Variants in NID1 observed in about 807,000 individuals in gnomAD.
NID1 encodes the protein nidogen-1.
A neutral mutation model predicts 130.6 loss-of-function variants in NID1; 76 were observed. The ratio of observed to expected loss-of-function variants is 0.58; its 90% CI spans 0.48 to 0.70. The LOEUF is 0.70. Among genes scored for constraint, NID1 ranks in the 30% least tolerant of loss-of-function variants. NID1 has a pLI of 0.00. For synonymous variants in NID1, 665 were observed against 675.1 expected, an observed-to-expected ratio of 0.98 and a Z score of 0.23; for missense variants, 1,517 against 1,664.8, an observed-to-expected ratio of 0.91 and a Z score of 1.54.
chr1:236,049,169 G>C (rs1410143662), intron 1 of NID1, among the ~76,000 whole-genome samples, 180 bp from the exon 2 acceptor site: 1 of 152,176 alleles, frequency 6.6e-6, no homozygotes, highest in African/African-American at 2.4e-5. Context: ...AAAATGGGCT[G>C]TGTGGAAAGA....
In NID1 at chr1:235,979,702, G is replaced by T; in HGVS notation, c.3509+120C>A. On this transcript the variant is annotated intron_variant, in intron 18 of 19. Transcript: ENST00000264187. The surrounding 1 kb of genome is among the most constrained non-coding windows in gnomAD (Gnocchi z 4.6). The stretch of plus-strand genomic sequence containing the variant: ...ATAAGGGAGAGGGGACATCTCTAGA[G>T]GGGGCATTTCTGGAGGCTCAAAAGT... The T allele has an allele frequency of 9.3e-7, 1 of 1,075,766 alleles. No individual in the cohort carries two copies. Among genetic ancestry groups the T allele is most frequent in the Non-Finnish European group, 1.4e-6 (1 of 724,984 alleles). The allele number at this position is 1,075,766 out of a possible 1,614,324, so 66.6% of individuals were successfully genotyped here.
chr1:236,045,206 CAAAAAAAAAAA>C (rs201261106), intron 3 of NID1, among the ~76,000 whole-genome samples: 2 of 89,722 alleles, frequency 2.2e-5, no homozygotes, highest in Non-Finnish European at 2.4e-5. Flanking sequence ...GGCTCTGTCT[CAAAAAAAAAAA>C]AAAAAAAAAA....
chr1:236,024,465 G>C (rs896178251), intron 8 of NID1, among the ~76,000 whole-genome samples: 1 of 152,240 alleles, frequency 6.6e-6, no homozygotes, highest in East Asian at 1.9e-4. Context: ...GGCTGCATTT[G>C]TGCTACCACG....
At chr1:235,981,835 G>C (rs1293326314) in intron 15 of NID1, 53 bp from the exon 16 acceptor site, 1 of 1,518,952 alleles carries the variant, frequency 6.6e-7, no homozygotes, top group Non-Finnish European at 8.9e-7. Context: ...AAGCAGCTGA[G>C]ATGAGGTTTT....
At position 236,036,998 on chromosome 1, in the gene NID1, C is replaced by T. The variant is rs58259235; in HGVS notation, c.1285+1106G>A. Among the ~76,000 whole-genome samples the T allele has an allele frequency of 9.9e-3, 1,508 of 152,264 alleles. 26 individuals are homozygous for T. Among genetic ancestry groups the T allele is most frequent in the African/African-American group, 0.035 (1,434 of 41,536 alleles). ...GAACGTTTAACATGGTGGGGTTTTG[C>T]CATTTTTGTGTTAATTCTGGAATTA... On this transcript the variant is annotated intron_variant, in intron 5 of 19. Coordinates refer to ENST00000264187, the MANE Select transcript of NID1 (RefSeq NM_002508.3).
chr1:236,012,020 G>A lies in NID1; in HGVS notation c.2428C>T (p.Arg810Ter), dbSNP rs979143011. Residue 810 changes from arginine to a stop codon, truncating the protein, a stop_gained, in exon 12 of 20, where the codon CGA becomes TGA. Transcript: ENST00000264187. LOFTEE classifies it high-confidence loss of function. ...CQDVDECQPS[R>*]CHPDAFCYNT... is the part of the protein sequence containing the mutation. The stretch of plus-strand genomic sequence containing the variant: ...TAGCAGAAGGCGTCAGGGTGACATC[G>A]GCTTGGCTGGCATTCATCTACATCT... 7.4e-6 allele frequency: 12 copies of A among 1,613,818 alleles called. No individual in the cohort carries two copies. The highest frequency in any genetic ancestry group is 6.7e-5 in the African/African-American group (5 of 74,928).
intron 1 of NID1, among the ~76,000 whole-genome samples, chr1:236,049,590 C>T (rs1659703802): frequency 6.6e-6 from 1 of 152,172 alleles, no homozygotes; most frequent in Non-Finnish European, 1.5e-5. Flanking sequence ...GATGATGACA[C>T]AATATAGCAT....
intron 8 of NID1, among the ~76,000 whole-genome samples, chr1:236,025,143 G>C (rs1658884544): frequency 6.6e-6 from 1 of 151,872 alleles, no homozygotes; most frequent in Admixed American, 6.6e-5. Flanking sequence ...GTAGAGACAG[G>C]GTTTCTCCAT....
chr1:236,038,966 AC>A (rs1322799125), intron 4 of NID1, among the ~76,000 whole-genome samples: 8 of 140,618 alleles, frequency 5.7e-5, no homozygotes, highest in East Asian at 2.0e-4. Flanking sequence ...TATATGTGTA[AC>A]TATATATGTA....
intron 14 of NID1, among the ~76,000 whole-genome samples, chr1:235,989,069 C>CTTTTTT (rs768952072): frequency 8.6e-6 from 1 of 115,804 alleles, no homozygotes; most frequent in Non-Finnish European, 1.7e-5. Context: ...AAATTATCTG[C>CTTTTTT]TTTTTTTTTT....
At chr1:236,001,159 G>A (rs903153095) in intron 12 of NID1, among the ~76,000 whole-genome samples, 2 of 149,932 alleles carry the variant, frequency 1.3e-5, no homozygotes, top group African/African-American at 4.9e-5. Flanking sequence ...GGCCTGGAGT[G>A]AAGTGGTGCA....
At chr1:236,015,816 TGAGCCCCA>T (rs928576482) in intron 10 of NID1, among the ~76,000 whole-genome samples, 1 of 152,038 alleles carries the variant, frequency 6.6e-6, no homozygotes, top group African/African-American at 2.4e-5. Context: ...GACGAGGAAC[TGAGCCCCA>T]GAGAGGTTGT....
intron 4 of NID1, among the ~76,000 whole-genome samples, chr1:236,040,525 T>C (rs1409547876): frequency 1.3e-5 from 2 of 152,220 alleles, no homozygotes; most frequent in African/African-American, 2.4e-5. Context: ...TTTATGATCA[T>C]TCCTTAGTAG....
chr1:236,046,180 G>A (rs920207923), intron 2 of NID1, among the ~76,000 whole-genome samples: 1 of 152,154 alleles, frequency 6.6e-6, no homozygotes, highest in Admixed American at 6.5e-5. Context: ...ATGTGACTTG[G>A]GCGTGATACT....
intron 1 of NID1, among the ~76,000 whole-genome samples, chr1:236,062,834 C>T (rs1283477359): frequency 2.0e-5 from 3 of 151,974 alleles, no homozygotes; most frequent in Non-Finnish European, 4.4e-5. Context: ...GGATCCACTG[C>T]TACACCTTGT....
At chr1:236,000,635 G>C (rs914088923) in intron 12 of NID1, among the ~76,000 whole-genome samples, 2 of 152,152 alleles carry the variant, frequency 1.3e-5, no homozygotes, top group Admixed American at 1.3e-4. Context: ...CTGTGTCACA[G>C]GCATCTCCTT....
At chr1:236,064,742 C>T in intron 1 of NID1, 113 bp downstream of exon 1, 2 of 921,528 alleles carry the variant, frequency 2.2e-6, no homozygotes, top group Non-Finnish European at 3.2e-6. Flanking sequence ...GGTGCCCCGG[C>T]GGCCAGCGGG....
intron 9 of NID1, among the ~76,000 whole-genome samples, chr1:236,021,566 A>G (rs1011177926): frequency 1.3e-5 from 2 of 152,188 alleles, no homozygotes; most frequent in African/African-American, 4.8e-5. Context: ...CGGCTGCTGG[A>G]TTCCAGACCT....
At chr1:236,038,857 A>G (rs933985558) in intron 4 of NID1, among the ~76,000 whole-genome samples, 1 of 126,814 alleles carries the variant, frequency 7.9e-6, no homozygotes, top group Non-Finnish European at 1.6e-5. Flanking sequence ...CCTATGTTAT[A>G]TAGGTCATAT....
Sources: allele counts gnomAD v4.1 joint callset (sites outside exome capture counted in the v4.1 genomes callset), GRCh38; gene constraint gnomAD v4.1.1; non-coding constraint Gnocchi (gnomAD v3.1); transcripts MANE v1.5; gene names NCBI Gene and HGNC (gene_info 2026-07-23, HGNC 2026-07-21).